GIT2: variants seen among roughly 807,000 people sequenced by gnomAD.
GIT2 encodes the protein ARF GTPase-activating protein GIT2.
GIT2 carries 32 observed loss-of-function variants against 100.3 expected under a neutral mutation model. That is an observed-to-expected ratio of 0.32 (90% confidence interval 0.24 to 0.43). The LOEUF is 0.43. Among genes scored for constraint, GIT2 ranks in the 20% least tolerant of loss-of-function variants. GIT2 has a pLI of 1.00. For synonymous variants in GIT2, 353 were observed against 364.1 expected, an observed-to-expected ratio of 0.97 and a Z score of 0.35; for missense variants, 737 against 975.1, an observed-to-expected ratio of 0.76 and a Z score of 3.25.
At position 109,947,544 on chromosome 12, in the gene GIT2, A is replaced by G; in HGVS notation, c.1393-40T>C. On this transcript the variant is annotated intron_variant, in intron 14 of 19. Transcript: ENST00000355312. The surrounding 1 kb of genome is among the most constrained non-coding windows in gnomAD (Gnocchi z 4.3). The stretch of plus-strand genomic sequence containing the variant: ...TGGCAGTGGGACTGTGTTTTTTTAC[A>G]GCAAGCAGAAAAAGCAAACACCAAG... 1.3e-6 allele frequency: 2 copies of G among 1,589,028 alleles called. No homozygotes were observed. The highest frequency in any genetic ancestry group is 8.6e-7 in the Non-Finnish European group (1 of 1,164,664).
Position 109,932,879 on chromosome 12 carries a change from A to C in GIT2, c.*99T>G. Reference sequence around the variant, plus strand: ...TTTTAAAAAGTTTTAAACCGTCATTAAATGTTTCTTTTTGTAGAAATCTGA... The same window carrying C: ...TTTTAAAAAGTTTTAAACCGTCATTCAATGTTTCTTTTTGTAGAAATCTGA... On this transcript the variant is annotated 3_prime_UTR_variant, in exon 20 of 20. Transcript: ENST00000355312. 1 of 740,282 alleles carries C rather than the reference A, an allele frequency of 1.4e-6. No homozygotes were observed. The allele number at this position is 740,282 out of a possible 1,614,324, so 45.9% of individuals were successfully genotyped here.
chr12:109,945,163 G>C, intron 16 of GIT2, 97 bp downstream of exon 16: 1 of 696,252 alleles, frequency 1.4e-6, no homozygotes, highest in South Asian at 1.5e-5. Flanking sequence ...AGGACGGAAG[G>C]GCAGTTAGCA....
chr12:109,935,857 A>T (rs1872819676), intron 18 of GIT2, among the ~76,000 whole-genome samples: 1 of 152,222 alleles, frequency 6.6e-6, no homozygotes, highest in Non-Finnish European at 1.5e-5. Flanking sequence ...TAGAAAAGCG[A>T]GCACACCCGG....
At chr12:109,978,714 A>G (rs920726513) in intron 7 of GIT2, among the ~76,000 whole-genome samples, 1 of 151,982 alleles carries the variant, frequency 6.6e-6, no homozygotes, top group Non-Finnish European at 1.5e-5. Context: ...TGTATCTTCT[A>G]TTTCTCTGAT....
chr12:109,975,410 T>C (rs1207373753), intron 7 of GIT2, among the ~76,000 whole-genome samples: 1 of 152,138 alleles, frequency 6.6e-6, no homozygotes, highest in African/African-American at 2.4e-5. Flanking sequence ...GATCTTGCTC[T>C]GTTGCTTGGG....
chr12:109,959,761 A>T, intron 12 of GIT2, 86 bp downstream of exon 12: 1 of 777,998 alleles, frequency 1.3e-6, no homozygotes, highest in Non-Finnish European at 2.2e-6. Context: ...CATGTTGATG[A>T]CTGCTTTAAT....
At chr12:109,974,136 A>G (rs1884541088) in intron 7 of GIT2, among the ~76,000 whole-genome samples, 1 of 152,248 alleles carries the variant, frequency 6.6e-6, no homozygotes. Context: ...CTTTGGCTGC[A>G]TCCCAGAAAT....
chr12:109,955,279 A>G (rs1879098780), intron 12 of GIT2, among the ~76,000 whole-genome samples: 1 of 151,990 alleles, frequency 6.6e-6, no homozygotes, highest in Non-Finnish European at 1.5e-5. Context: ...GCCCGCCACC[A>G]CACCCAGCTA....
chr12:109,984,462 A>G (rs73421606), intron 4 of GIT2, among the ~76,000 whole-genome samples: 8,070 of 151,896 alleles, frequency 0.053, 529 homozygotes, highest in African/African-American at 0.16. Flanking sequence ...TTTTCTTTTT[A>G]GAAAGGGTCT....
intron 2 of GIT2, among the ~76,000 whole-genome samples, chr12:109,991,288 T>A (rs1888332458): frequency 6.8e-6 from 1 of 147,260 alleles, no homozygotes; most frequent in Non-Finnish European, 1.5e-5. Context: ...CCAGCCTGGA[T>A]GACAGAGTGA....
At chr12:109,966,525 A>G (rs895171796) in intron 8 of GIT2, among the ~76,000 whole-genome samples, 2 of 150,822 alleles carry the variant, frequency 1.3e-5, no homozygotes, top group African/African-American at 2.4e-5. Context: ...AAAAAAAAAA[A>G]AAAAGAAAGA....
chr12:109,945,273 T>G lies in GIT2; in HGVS notation c.1718A>C (p.Glu573Ala). The G allele has an allele frequency of 6.4e-7, 1 of 1,550,854 alleles. No individual in the cohort carries two copies. Among genetic ancestry groups the G allele is most frequent in the Non-Finnish European group, 8.9e-7 (1 of 1,122,616 alleles). ...FPSTLSWSRD[E>A]SARRASRLEK... ...AATGTACTTAACCCTTCGGGCGCTT[T>G]CGTCCCTCGACCAGGAAAGTGTGGA... Residue 573 changes from glutamate to alanine, a missense_variant, in exon 16 of 20, where the codon GAA becomes GCA. Glu to Ala is a moderately radical substitution (Grantham distance 107). Transcript: ENST00000355312.
chr12:109,933,107 G>T lies in GIT2; in HGVS notation c.2151C>A (p.Thr717=). The part of the protein sequence containing the change: ...AYRLQSECKK[T]LPGDPGSPTD... ...TGGGTGAGCCGGGGTCCCCTGGGAG[G>T]GTCTTCTTGCACTCTGACTGCAGTC... The change falls in exon 20 of 20, where the codon ACC becomes ACA. Residue 717 remains threonine, a synonymous_variant. Transcript: ENST00000355312. This position sits in a 1 kb window ranked among gnomAD's most constrained non-coding sequence, Gnocchi z 4.5. 1 of 1,612,236 alleles carries T rather than the reference G, an allele frequency of 6.2e-7. No homozygotes were observed. Among genetic ancestry groups the T allele is most frequent in the African/African-American group, 1.3e-5 (1 of 74,996 alleles).
intron 16 of GIT2, chr12:109,940,225 G>A (rs2136178859): frequency 6.6e-6 from 1 of 152,262 alleles, no homozygotes; most frequent in Non-Finnish European, 1.5e-5. Context: ...GATCTTCTAG[G>A]GTGACGAAAT....
At chr12:109,992,302 A>G (rs1252890429) in intron 1 of GIT2, among the ~76,000 whole-genome samples, 1 of 151,354 alleles carries the variant, frequency 6.6e-6, no homozygotes, top group African/African-American at 2.4e-5. Flanking sequence ...ATGCACCACC[A>G]CGCCCGGCTA....
intron 14 of GIT2, 130 bp downstream of exon 14, chr12:109,951,037 T>C (rs1877694658): frequency 1.3e-5 from 10 of 797,742 alleles, no homozygotes; most frequent in Non-Finnish European, 1.7e-5. Context: ...AAAGACAACT[T>C]GGCCCAAAGA....
rs1304035926 is a variant in GIT2, at chr12:109,947,401, G to C, written c.1496C>G (p.Ser499Cys). 1 of 1,614,044 alleles carries C rather than the reference G, an allele frequency of 6.2e-7. No individual in the cohort carries two copies. Among genetic ancestry groups the C allele is most frequent in the Admixed American group, 1.7e-5 (1 of 60,010 alleles). The change falls in exon 15 of 20, where the codon TCT (serine) becomes TGT (cysteine). Residue 499 changes from serine to cysteine, a missense_variant. Around this residue, in one of 3 missense-constraint regions of GIT2, gnomAD observed 451 missense variants for 543.7 expected, o/e 0.83. Coordinates refer to ENST00000355312, the MANE Select transcript of GIT2 (RefSeq NM_057169.5). This position sits in a 1 kb window ranked among gnomAD's most constrained non-coding sequence, Gnocchi z 4.3. Reference protein sequence around the residue: ...GSEYTDTSNHSSLKRRPSARG... With the variant: ...GSEYTDTSNHCSLKRRPSARG... Reference sequence around the variant, plus strand: ...GGCAGACGGACGTCTCTTTAAGGAAGAGTGGTTGGAAGTGTCTGTGTACTC... The same window carrying C: ...GGCAGACGGACGTCTCTTTAAGGAACAGTGGTTGGAAGTGTCTGTGTACTC...
chr12:109,975,817 G>A (rs1181187185), intron 7 of GIT2, among the ~76,000 whole-genome samples: 2 of 146,708 alleles, frequency 1.4e-5, no homozygotes, highest in Non-Finnish European at 3.0e-5. Flanking sequence ...TATCACCCAG[G>A]CTGGAGTGCA....
chr12:109,952,934 G>C (rs1183868813), intron 13 of GIT2, 158 bp downstream of exon 13: 5 of 651,940 alleles, frequency 7.7e-6, no homozygotes, highest in Non-Finnish European at 1.3e-5. Flanking sequence ...GGGCTGTGAT[G>C]CAGGGACAAG....
Sources: gnomAD v4.1 joint callset for allele counts (sites outside exome capture counted in the v4.1 genomes callset) on GRCh38, gnomAD v4.1.1 for gene constraint, gnomAD v4.1.1 regional missense constraint, Gnocchi (gnomAD v3.1) non-coding constraint, MANE v1.5 for transcripts, NCBI Gene and HGNC (gene_info 2026-07-23, HGNC 2026-07-21) for gene names.